Variants in FRMD3 observed in about 807,000 individuals in gnomAD.
FRMD3 encodes the protein FERM domain-containing protein 3.
A neutral mutation model predicts 70.2 loss-of-function variants in FRMD3; 33 were observed. The observed-to-expected ratio is 0.47, with a 90% confidence interval of 0.36 to 0.63. The LOEUF (loss-of-function observed/expected upper bound fraction) is 0.63. FRMD3 is among the 20% of genes least tolerant of loss of function. The pLI is 0.00. For synonymous variants in FRMD3, 279 were observed against 255.9 expected, an observed-to-expected ratio of 1.09 and a Z score of -0.86; for missense variants, 632 against 711.4, an observed-to-expected ratio of 0.89 and a Z score of 1.27.
chr9:83,357,090 G>GTA (rs139808701), intron 3 of FRMD3, among the ~76,000 whole-genome samples: 14,151 of 137,918 alleles, frequency 0.1, 910 homozygotes, highest in Admixed American at 0.14. Flanking sequence ...ATTCCATGGT[G>GTA]TATATATATA....
rs377538475 is a variant in FRMD3, at chr9:83,500,500, G to GCACACACACACACA, written c.147+37584_147+37585insTGTGTGTGTGTGTG. Among the ~76,000 whole-genome samples the GCACACACACACACA allele has an allele frequency of 7.3e-3, 992 of 136,690 alleles. 20 individuals carry two copies. Among genetic ancestry groups the GCACACACACACACA allele is most frequent in the Non-Finnish European group, 0.011 (729 of 64,328 alleles). The allele number at this position is 136,690 out of a possible 152,430, so 89.7% of individuals were successfully genotyped here. A position where few individuals can be genotyped will look rare whatever the true frequency, so the allele number is the denominator to read the frequency against. On this transcript the variant is annotated intron_variant, in intron 1 of 13. Coordinates refer to ENST00000304195, the MANE Select transcript of FRMD3 (RefSeq NM_174938.6). ...TGCATAGAGTGCTTGGCGTGTATGC[G>GCACACACACACACA]CGCACACACACACACACACACACAC...
chr9:83,390,564 T>C (rs938030059), intron 1 of FRMD3, among the ~76,000 whole-genome samples: 1 of 152,096 alleles, frequency 6.6e-6, no homozygotes, highest in Non-Finnish European at 1.5e-5. Flanking sequence ...TAAAATAAGG[T>C]GGTTGGACTA....
chr9:83,249,208 A>G (rs977548222), intron 13 of FRMD3, among the ~76,000 whole-genome samples: 3 of 152,248 alleles, frequency 2.0e-5, no homozygotes, highest in African/African-American at 7.2e-5. Context: ...ACATCTTTAC[A>G]TATAAAGCTT....
At chr9:83,388,408 G>A (rs1171191761) in intron 2 of FRMD3, among the ~76,000 whole-genome samples, 1 of 152,072 alleles carries the variant, frequency 6.6e-6, no homozygotes, top group African/African-American at 2.4e-5. Context: ...CTACCTCCAG[G>A]TGACCCCTTC....
intron 6 of FRMD3, among the ~76,000 whole-genome samples, chr9:83,326,839 A>C (rs1012573644): frequency 6.6e-6 from 1 of 152,236 alleles, no homozygotes; most frequent in East Asian, 1.9e-4. Context: ...ACAATTCTCC[A>C]AAGATAGGCT....
chr9:83,430,094 G>T (rs1192612139), intron 1 of FRMD3, among the ~76,000 whole-genome samples: 1 of 152,126 alleles, frequency 6.6e-6, no homozygotes, highest in Non-Finnish European at 1.5e-5. Flanking sequence ...CATAATGCTT[G>T]AATCAAGGCC....
chr9:83,310,169 CTTTA>C (rs530314375), intron 9 of FRMD3, among the ~76,000 whole-genome samples: 19 of 152,096 alleles, frequency 1.2e-4, no homozygotes, highest in Non-Finnish European at 7.4e-5. Flanking sequence ...TGTAAGTATT[CTTTA>C]TTTGTTTCAC....
intron 1 of FRMD3, among the ~76,000 whole-genome samples, chr9:83,489,367 A>C (rs1408602070): frequency 2.0e-5 from 3 of 152,166 alleles, no homozygotes; most frequent in Non-Finnish European, 4.4e-5. Context: ...TCTGACAAAG[A>C]CCTAATATCT....
At chr9:83,544,561 A>C in the FRMD3 span, among the ~76,000 whole-genome samples, 703 of 152,342 alleles carry the variant, frequency 4.6e-3, 6 homozygotes, top group African/African-American at 0.016. Context: ...CTGCCACAGA[A>C]GCTCTTACCT....
intron 2 of FRMD3, among the ~76,000 whole-genome samples, chr9:83,374,780 C>T (rs2131262055): frequency 6.6e-6 from 1 of 152,200 alleles, no homozygotes; most frequent in South Asian, 2.1e-4. Context: ...AATTGGTAGA[C>T]CGCATCTTTC....
In FRMD3 at chr9:83,407,867, C is replaced by CTT. The variant is rs1564062690; in HGVS notation, c.148-18160_148-18159insAA. Reference sequence around the variant, plus strand: ...TCTCTCTCTCTCTCTCTCTCTCTCTCTCTCTCATCTTTCTCTCTCTCTCTC... The same window carrying CTT: ...TCTCTCTCTCTCTCTCTCTCTCTCTCTTTCTCTCATCTTTCTCTCTCTCTCTC... On this transcript the variant is annotated intron_variant, in intron 1 of 13. Transcript: ENST00000304195. 7.0e-3 allele frequency among the ~76,000 whole-genome samples: 853 copies of CTT among 121,480 alleles called. 14 individuals carry two copies. Among genetic ancestry groups the CTT allele is most frequent in the African/African-American group, 0.033 (794 of 24,278 alleles). 79.7% of individuals were successfully genotyped at this position (121,480 alleles called of 152,430 possible).
chr9:83,464,839 C>G (rs945442736), intron 1 of FRMD3, among the ~76,000 whole-genome samples: 1 of 151,840 alleles, frequency 6.6e-6, no homozygotes, highest in Non-Finnish European at 1.5e-5. Context: ...GCGAACATAG[C>G]GAAACCCGAT....
rs535726305 is a variant in FRMD3, at chr9:83,519,652, C to G, written c.147+18433G>C. ...GCAATCCCATTACTGGGTATATACCCAAAGGATTATAAATCATTCTACTAT... is the reference window on the plus strand; with the variant it reads ...GCAATCCCATTACTGGGTATATACCGAAAGGATTATAAATCATTCTACTAT... On this transcript the variant is annotated intron_variant, in intron 1 of 13. Transcript: ENST00000304195. 1.2e-3 allele frequency among the ~76,000 whole-genome samples: 186 copies of G among 152,204 alleles called. 1 individual carries two copies. The highest frequency in any genetic ancestry group is 4.3e-3 in the African/African-American group (177 of 41,506).
downstream of FRMD3, among the ~76,000 whole-genome samples, chr9:83,243,827 G>C (rs1563966298): frequency 6.6e-6 from 1 of 152,058 alleles, no homozygotes; most frequent in Admixed American, 6.5e-5. Flanking sequence ...ACACCTTTTG[G>C]TTTAACTGTT....
At chr9:83,349,059 C>T (rs189912403) in intron 4 of FRMD3, among the ~76,000 whole-genome samples, 1 of 152,358 alleles carries the variant, frequency 6.6e-6, no homozygotes, top group Admixed American at 6.5e-5. Context: ...CAGCAGCGCT[C>T]TCTCTCCCAT....
chr9:83,534,956 T>C (rs1829862055), intron 1 of FRMD3, among the ~76,000 whole-genome samples: 1 of 152,212 alleles, frequency 6.6e-6, no homozygotes, highest in South Asian at 2.1e-4. Context: ...CCTCTTTCCA[T>C]GTCTGGAAAT....
rs544248230 is a variant in FRMD3, at chr9:83,450,209, G to A, written c.148-60501C>T. Among the ~76,000 whole-genome samples, 11 of 103,674 alleles carry A rather than the reference G, an allele frequency of 1.1e-4. No individual in the cohort carries two copies. The East Asian group carries it at 1.3e-3, about 13-fold the overall frequency. The allele number at this position is 103,674 out of a possible 152,430, so 68.0% of individuals were successfully genotyped here. A position where few individuals can be genotyped will look rare whatever the true frequency, so the allele number is the denominator to read the frequency against. On this transcript the variant is annotated intron_variant, in intron 1 of 13. Coordinates refer to ENST00000304195, the MANE Select transcript of FRMD3 (RefSeq NM_174938.6). The stretch of plus-strand genomic sequence containing the variant: ...GGCATGTGTGTGTGTGCACCCGTGC[G>A]CGCACACACACACACACACAGACAC...
upstream of FRMD3, among the ~76,000 whole-genome samples, chr9:83,541,463 T>A (rs548505588): frequency 1.1e-3 from 171 of 152,342 alleles, 1 homozygote; most frequent in African/African-American, 4.0e-3. Context: ...TTGCAGTGTA[T>A]TTCCACATGT....
intron 3 of FRMD3, among the ~76,000 whole-genome samples, chr9:83,363,645 C>G (rs1264781716): frequency 1.3e-5 from 2 of 151,694 alleles, no homozygotes; most frequent in East Asian, 1.9e-4. Context: ...GCTCCGCCCC[C>G]CGGGGTTCAC....
Sources: gnomAD v4.1 joint callset for allele counts (sites outside exome capture counted in the v4.1 genomes callset) on GRCh38, gnomAD v4.1.1 for gene constraint, MANE v1.5 for transcripts, NCBI Gene and HGNC (gene_info 2026-07-23, HGNC 2026-07-21) for gene names.